The following LRMDA variants were observed in gnomAD, a reference collection of about 807,000 sequenced individuals.
LRMDA encodes the protein leucine rich melanocyte differentiation associated.
In LRMDA, 18 loss-of-function variants were observed where a neutral mutation model predicts 29.8. That is an observed-to-expected ratio of 0.60 (90% CI 0.42 to 0.90). LRMDA has a LOEUF of 0.90. LRMDA is among the 40% of genes least tolerant of loss of function. The pLI is 0.00. For synonymous variants in LRMDA, 125 were observed against 109.4 expected (o/e 1.14, Z -0.89); for missense variants, 273 against 273.9 (o/e 1.00, Z 0.02).
In LRMDA at chr10:76,047,268, C is replaced by T; in HGVS notation, c.363C>T (p.Ser121=). ...TGGCCTGTCCCAACGAGCTGGTCAG[C>T]TTGGAAAAGGATGAGGAAGACTACA... is the stretch of plus-strand genomic sequence containing the variant. ...GNVACPNELV[S]LEKDEEDYKR... Residue 121 remains serine, a synonymous_variant, in exon 4 of 7, where the codon AGC becomes AGT. Coordinates refer to ENST00000611255, the MANE Select transcript of LRMDA (RefSeq NM_001305581.2). The T allele has an allele frequency of 6.2e-7, 1 of 1,613,680 alleles. No homozygotes were observed. The highest frequency in any genetic ancestry group is 1.3e-5 in the African/African-American group (1 of 74,974).
At chr10:76,293,336 C>T (rs895595918) in intron 5 of LRMDA, among the ~76,000 whole-genome samples, 4 of 152,202 alleles carry the variant, frequency 2.6e-5, no homozygotes, top group African/African-American at 9.6e-5. Context: ...ATCTCTTTAG[C>T]CCCATGTCTG....
At chr10:75,673,171 ATT>A (rs1564536546) in intron 2 of LRMDA, among the ~76,000 whole-genome samples, 1 of 152,070 alleles carries the variant, frequency 6.6e-6, no homozygotes, top group Non-Finnish European at 1.5e-5. Flanking sequence ...TATCAGCTTC[ATT>A]TGAGGGTATG....
At chr10:76,056,241 G>T (rs1190087502) in intron 4 of LRMDA, among the ~76,000 whole-genome samples, 2 of 152,212 alleles carry the variant, frequency 1.3e-5, no homozygotes, top group Non-Finnish European at 2.9e-5. Flanking sequence ...AAGTCTGGCT[G>T]AGTCTGGGGC....
At position 75,623,284 on chromosome 10, in the gene LRMDA, C is replaced by A. The variant is rs550652267; in HGVS notation, c.131+184790C>A. 1.4e-4 allele frequency among the ~76,000 whole-genome samples: 21 copies of A among 152,232 alleles called. No homozygotes were observed. In the South Asian group the frequency reaches 4.4e-3, roughly 32 times the overall value. On this transcript the variant is annotated intron_variant, in intron 2 of 6. Coordinates refer to ENST00000611255, the MANE Select transcript of LRMDA (RefSeq NM_001305581.2). ...GCCTGGCAGAGCTTTCTTCGTGGGC[C>A]CCTTGAAAGTGGGCTCTGCTCCCCT... is the stretch of plus-strand genomic sequence containing the variant.
intron 4 of LRMDA, 76 bp downstream of exon 4, chr10:76,047,379 G>A: frequency 7.2e-7 from 1 of 1,385,348 alleles, no homozygotes; most frequent in Non-Finnish European, 9.6e-7. Context: ...ATACTCTGGG[G>A]TGCATAGTAG....
intron 5 of LRMDA, among the ~76,000 whole-genome samples, chr10:76,120,250 G>A (rs570466740): frequency 6.0e-5 from 9 of 149,750 alleles, no homozygotes; most frequent in South Asian, 2.1e-4. Flanking sequence ...GTACAGTGGC[G>A]CAATCTTGGC....
chr10:75,858,514 A>T (rs941414613), intron 2 of LRMDA, among the ~76,000 whole-genome samples: 7 of 152,184 alleles, frequency 4.6e-5, no homozygotes, highest in African/African-American at 7.2e-5. Flanking sequence ...TGTGCTGAGT[A>T]ACAGCAGCAT....
intron 6 of LRMDA, among the ~76,000 whole-genome samples, chr10:76,426,563 T>C (rs1357804212): frequency 2.0e-5 from 3 of 152,152 alleles, no homozygotes; most frequent in Admixed American, 1.3e-4. Context: ...GCCTGTTCAC[T>C]CTGATGGTAG....
chr10:75,930,307 T>A (rs1014163422), intron 2 of LRMDA, among the ~76,000 whole-genome samples: 8 of 152,034 alleles, frequency 5.3e-5, no homozygotes, highest in African/African-American at 1.9e-4. Context: ...GTGTTGAGCT[T>A]AGGCCTTTTA....
At chr10:76,150,913 G>A (rs1331748966) in intron 5 of LRMDA, among the ~76,000 whole-genome samples, 1 of 152,152 alleles carries the variant, frequency 6.6e-6, no homozygotes, top group Non-Finnish European at 1.5e-5. Context: ...TCGAGAGCTT[G>A]CGGCCAAGCA....
At chr10:75,683,098 C>G (rs1456209893) in intron 2 of LRMDA, among the ~76,000 whole-genome samples, 1 of 152,166 alleles carries the variant, frequency 6.6e-6, no homozygotes, top group Non-Finnish European at 1.5e-5. Context: ...GCTGAGCTTT[C>G]TACAGGCCCA....
chr10:76,353,580 A>T (rs1841204728), intron 6 of LRMDA, among the ~76,000 whole-genome samples: 1 of 152,084 alleles, frequency 6.6e-6, no homozygotes, highest in Non-Finnish European at 1.5e-5. Context: ...ATCAGGGGAG[A>T]CATAGCTATG....
rs1196708576 is a variant in LRMDA, at chr10:76,541,518, T to TC, written c.602-15690dup. Reference sequence around the variant, plus strand: ...CATCTTAAAAAAGAGAAGGATAAGTTCAGGGAAAATTGAACTGATGATTTT... The same window carrying TC: ...CATCTTAAAAAAGAGAAGGATAAGTTCCAGGGAAAATTGAACTGATGATTTT... On this transcript the variant is annotated intron_variant, in intron 6 of 6. Transcript: ENST00000611255. Among the ~76,000 whole-genome samples the TC allele has an allele frequency of 3.9e-5, 6 of 152,118 alleles. 1 individual carries two copies. Among genetic ancestry groups the TC allele is most frequent in the Non-Finnish European group, 1.5e-5 (1 of 68,010 alleles).
At chr10:75,632,225 A>G (rs574579303) in intron 2 of LRMDA, among the ~76,000 whole-genome samples, 18 of 152,258 alleles carry the variant, frequency 1.2e-4, no homozygotes, top group Admixed American at 5.9e-4. Flanking sequence ...ACTTTTGTCT[A>G]TGATGTGGAA....
chr10:76,203,341 T>C (rs954529168), intron 5 of LRMDA, among the ~76,000 whole-genome samples: 11 of 152,200 alleles, frequency 7.2e-5, no homozygotes, highest in African/African-American at 2.2e-4. Context: ...TCTCACTCAC[T>C]GTGTTGCCCA....
At position 75,578,692 on chromosome 10, in the gene LRMDA, G is replaced by GGAC. The variant is rs527889782; in HGVS notation, c.131+140198_131+140199insGAC. On this transcript the variant is annotated intron_variant, in intron 2 of 6. Coordinates refer to ENST00000611255, the MANE Select transcript of LRMDA (RefSeq NM_001305581.2). ...ATGCAAAAGAATGGAAATCATAACA[G>GGAC]TCTGTCAGACCACAGTGCAATCAAA... Among the ~76,000 whole-genome samples the GGAC allele has an allele frequency of 7.3e-3, 1,105 of 152,038 alleles. 9 individuals carry two copies. Among genetic ancestry groups the GGAC allele is most frequent in the Non-Finnish European group, 0.011 (728 of 67,946 alleles).
chr10:75,817,600 T>A (rs1323372982), intron 2 of LRMDA, among the ~76,000 whole-genome samples: 2 of 152,190 alleles, frequency 1.3e-5, no homozygotes, highest in Non-Finnish European at 2.9e-5. Flanking sequence ...GGAGAAACAA[T>A]ATATTCCCAG....
chr10:75,618,289 A>C (rs1240770633), intron 2 of LRMDA, among the ~76,000 whole-genome samples: 1 of 149,188 alleles, frequency 6.7e-6, no homozygotes, highest in Non-Finnish European at 1.5e-5. Flanking sequence ...CATTCTCTTT[A>C]GTTCTTTCTT....
At chr10:75,730,506 C>T (rs925531572) in intron 2 of LRMDA, among the ~76,000 whole-genome samples, 8 of 152,280 alleles carry the variant, frequency 5.3e-5, no homozygotes, top group East Asian at 1.9e-4. Flanking sequence ...CTGATGAGCG[C>T]GTCATATGAG....
Sources: allele counts gnomAD v4.1 joint callset (sites outside exome capture counted in the v4.1 genomes callset), GRCh38; gene constraint gnomAD v4.1.1; transcripts MANE v1.5; gene names NCBI Gene and HGNC (gene_info 2026-07-23, HGNC 2026-07-21).